The following SAMMSON variants were observed in gnomAD, a reference collection of about 807,000 sequenced individuals.
The protein encoded by SAMMSON is long intergenic non-protein coding RNA 1212.
chr3:70,384,348 G>T (rs751103064), intron 9 of SAMMSON, among the ~76,000 whole-genome samples: 7 of 151,882 alleles, frequency 4.6e-5, no homozygotes, highest in African/African-American at 1.2e-4. Context: ...TGATAGGAAG[G>T]CATCAAAGCC....
At chr3:70,341,356 C>G (rs1456243501) in intron 7 of SAMMSON, among the ~76,000 whole-genome samples, 2 of 152,034 alleles carry the variant, frequency 1.3e-5, no homozygotes, top group Non-Finnish European at 2.9e-5. Flanking sequence ...TTAAAGGCAA[C>G]CAAGAATATT....
At chr3:70,147,998 G>A (rs1323977700) in intron 4 of SAMMSON, among the ~76,000 whole-genome samples, 1 of 152,034 alleles carries the variant, frequency 6.6e-6, no homozygotes, top group East Asian at 1.9e-4. Context: ...TTACCAATGA[G>A]GATACACAGA....
chr3:70,000,240 G>T (rs987099904), intron 1 of SAMMSON, among the ~76,000 whole-genome samples: 19 of 152,126 alleles, frequency 1.2e-4, no homozygotes, highest in African/African-American at 3.9e-4. Flanking sequence ...TGGGATCGGA[G>T]CCCCACAGCC....
At chr3:70,390,312 A>C (rs1701034265), downstream of SAMMSON, among the ~76,000 whole-genome samples, 1 of 152,152 alleles carries the variant, frequency 6.6e-6, no homozygotes, top group African/African-American at 2.4e-5. Context: ...CTTGGTAGAA[A>C]ATATCAAAAT....
chr3:70,226,974 G>A (rs1052760713), intron 4 of SAMMSON, among the ~76,000 whole-genome samples: 1 of 152,096 alleles, frequency 6.6e-6, no homozygotes, highest in African/African-American at 2.4e-5. Context: ...AGAGGCACTG[G>A]AGCAGTGGCT....
intron 4 of SAMMSON, among the ~76,000 whole-genome samples, chr3:70,242,279 A>G (rs1701672189): frequency 6.6e-6 from 1 of 152,190 alleles, no homozygotes; most frequent in South Asian, 2.1e-4. Context: ...GGCTCTGATA[A>G]CATCTCTTTG....
chr3:70,093,998 A>G, intron 4 of SAMMSON, among the ~76,000 whole-genome samples: 1 of 152,178 alleles, frequency 6.6e-6, no homozygotes, highest in Non-Finnish European at 1.5e-5. Flanking sequence ...TGGGGAACCA[A>G]AAACCTGACT....
chr3:70,287,209 C>T (rs1372817663), intron 6 of SAMMSON, among the ~76,000 whole-genome samples: 1 of 137,928 alleles, frequency 7.3e-6, no homozygotes, highest in African/African-American at 2.8e-5. Flanking sequence ...ATAGATAGCT[C>T]TTATTATTTT....
chr3:70,171,462 A>C (rs953843089), intron 4 of SAMMSON, among the ~76,000 whole-genome samples: 1 of 151,916 alleles, frequency 6.6e-6, no homozygotes, highest in Non-Finnish European at 1.5e-5. Flanking sequence ...TGTTCAGAGA[A>C]TTTATAGGTT....
intron 4 of SAMMSON, among the ~76,000 whole-genome samples, chr3:70,139,105 G>C (rs1576132510): frequency 6.6e-6 from 1 of 152,130 alleles, no homozygotes; most frequent in Admixed American, 6.6e-5. Context: ...TTCCAGATGT[G>C]CTATAAGTAT....
chr3:70,260,416 G>C (rs138883742), intron 6 of SAMMSON, among the ~76,000 whole-genome samples: 1 of 152,106 alleles, frequency 6.6e-6, no homozygotes, highest in Non-Finnish European at 1.5e-5. Flanking sequence ...TCCAAATAAA[G>C]TCTCATTATG....
intron 4 of SAMMSON, among the ~76,000 whole-genome samples, chr3:70,173,112 C>A (rs1193719399): frequency 6.6e-6 from 1 of 151,920 alleles, no homozygotes; most frequent in Non-Finnish European, 1.5e-5. Flanking sequence ...TAAAAGCCCA[C>A]TACATTTTTC....
chr3:70,287,733 A>G (rs1178252825), intron 6 of SAMMSON, among the ~76,000 whole-genome samples: 3 of 151,804 alleles, frequency 2.0e-5, no homozygotes, highest in Non-Finnish European at 4.4e-5. Context: ...CCACAATTTC[A>G]GATCCTGTTA....
intron 3 of SAMMSON, among the ~76,000 whole-genome samples, chr3:70,055,185 A>G (rs899353485): frequency 6.6e-6 from 1 of 152,112 alleles, no homozygotes; most frequent in African/African-American, 2.4e-5. Context: ...AATGAAACAA[A>G]CAAGGCTGGC....
chr3:70,214,312 G>C (rs1701384086), intron 4 of SAMMSON, among the ~76,000 whole-genome samples: 4 of 152,188 alleles, frequency 2.6e-5, no homozygotes, highest in Non-Finnish European at 4.4e-5. Flanking sequence ...GTTTTGATTT[G>C]TCTTCTGTAG....
intron 3 of SAMMSON, among the ~76,000 whole-genome samples, chr3:70,036,569 G>T (rs1301563469): frequency 6.6e-6 from 1 of 152,148 alleles, no homozygotes; most frequent in African/African-American, 2.4e-5. Flanking sequence ...TAGCTTTGCA[G>T]AAAATATGCT....
chr3:70,090,854 G>A (rs139474887), intron 4 of SAMMSON, among the ~76,000 whole-genome samples: 1 of 150,896 alleles, frequency 6.6e-6, no homozygotes, highest in Non-Finnish European at 1.5e-5. Context: ...GAATACTAAA[G>A]CTGCCTGAAT....
At chr3:70,128,904 A>G (rs976090544) in intron 4 of SAMMSON, among the ~76,000 whole-genome samples, 1 of 152,210 alleles carries the variant, frequency 6.6e-6, no homozygotes, top group African/African-American at 2.4e-5. Flanking sequence ...AAAGTATGAA[A>G]AATTTAGAGA....
intron 4 of SAMMSON, among the ~76,000 whole-genome samples, chr3:70,222,611 G>C (rs1701471135): frequency 6.6e-6 from 1 of 152,012 alleles, no homozygotes; most frequent in Non-Finnish European, 1.5e-5. Context: ...AATTCCAAAA[G>C]AATAATACTT....
Sources: gnomAD v4.1 joint callset for allele counts (sites outside exome capture counted in the v4.1 genomes callset) on GRCh38, gnomAD v4.1.1 for gene constraint, MANE v1.5 for transcripts, NCBI Gene and HGNC (gene_info 2026-07-23, HGNC 2026-07-21) for gene names.